GUCY2D: variants seen among roughly 807,000 people sequenced by gnomAD.
GUCY2D encodes the protein retinal guanylyl cyclase 1.
Under a neutral mutation model 101.3 loss-of-function variants are expected in GUCY2D, and 70 were observed. That is an observed-to-expected ratio of 0.69 (90% CI 0.57 to 0.84). The LOEUF is 0.84. GUCY2D is among the 40% of genes least tolerant of loss of function. The probability of loss-of-function intolerance (pLI) is 0.00; values close to 1 mark genes in which losing one functional copy is unlikely to be tolerated. For missense variants in GUCY2D, 1,460 were observed against 1,542.5 expected (o/e 0.95, Z 0.90); for synonymous variants, 688 against 670.7 (o/e 1.03, Z -0.40).
At position 8,009,636 on chromosome 17, in the gene GUCY2D, C is replaced by T. The variant is rs371458632; in HGVS notation, c.1749+50C>T. On this transcript the variant is annotated intron_variant, in intron 8 of 19. Coordinates refer to ENST00000254854, the MANE Select transcript of GUCY2D (RefSeq NM_000180.4). ...CCTAGGTGGCCATCGGTTTCTCCCTCCTTGCCTTCTCTTTGCAGCTGGGTA... is the reference window on the plus strand; with the variant it reads ...CCTAGGTGGCCATCGGTTTCTCCCTTCTTGCCTTCTCTTTGCAGCTGGGTA... 22 of 1,205,278 alleles carry T rather than the reference C, an allele frequency of 1.8e-5. No individual in the cohort carries two copies. The East Asian group carries it at 3.5e-4, about 19-fold the overall frequency. 74.7% of individuals were successfully genotyped at this position (1,205,278 alleles called of 1,614,324 possible). A position where few individuals can be genotyped will look rare whatever the true frequency, so the allele number is the denominator to read the frequency against.
At chr17:8,010,623 G>A (rs1367188334) in intron 8 of GUCY2D, among the ~76,000 whole-genome samples, 3 of 151,724 alleles carry the variant, frequency 2.0e-5, no homozygotes, top group Admixed American at 1.3e-4. Context: ...TGGCTAACAC[G>A]GTGAAACCCC....
At position 8,003,829 on chromosome 17, in the gene GUCY2D, GCGA is replaced by G; in HGVS notation, c.722-22_722-20del. The G allele has an allele frequency of 6.2e-7, 1 of 1,607,110 alleles. No individual in the cohort carries two copies. The highest frequency in any genetic ancestry group is 8.5e-7 in the Non-Finnish European group (1 of 1,179,280). On this transcript the variant is annotated intron_variant, in intron 2 of 19. Transcript: ENST00000254854. ...GTCCTGCCGGCAGCCGGACGGCGCCGCGAGCCAAGCCTCTGTCCGCAGCAGTGA... is the reference window on the plus strand; with the variant it reads ...GTCCTGCCGGCAGCCGGACGGCGCCGGCCAAGCCTCTGTCCGCAGCAGTGA...
At chr17:8,005,112 CCCTTGATT>C (rs1975713879) in intron 3 of GUCY2D, among the ~76,000 whole-genome samples, 1 of 152,140 alleles carries the variant, frequency 6.6e-6, no homozygotes, top group African/African-American at 2.4e-5. Flanking sequence ...GTGTGAGTCA[CCCTTGATT>C]CCTTGAATTC....
At chr17:8,003,799 G>T (rs1306335713) in intron 2 of GUCY2D, 31 bp downstream of exon 2, 5 of 1,602,580 alleles carry the variant, frequency 3.1e-6, no homozygotes, top group Non-Finnish European at 4.2e-6. Context: ...CGAGGAGGTC[G>T]GCTGGTCCTG....
At position 8,003,181 on chromosome 17, in the gene GUCY2D, T is replaced by C; in HGVS notation, c.134T>C (p.Leu45Pro). 1 of 1,513,880 alleles carries C rather than the reference T, an allele frequency of 6.6e-7. No homozygotes were observed. Among genetic ancestry groups the C allele is most frequent in the Admixed American group, 2.1e-5 (1 of 48,664 alleles). 93.8% of individuals were successfully genotyped at this position (1,513,880 alleles called of 1,614,324 possible). The change falls in exon 2 of 20, where the codon CTG (leucine) becomes CCG (proline). Residue 45 changes from leucine to proline, a missense_variant. Leu to Pro is a moderately conservative substitution (Grantham distance 98). Transcript: ENST00000254854. Reference sequence around the variant, plus strand: ...CCGCTCCTGCTGCTCCTGCTTCTGCTGCAGCCCCCCGCCCTCTCCGCCGTG... The same window carrying C: ...CCGCTCCTGCTGCTCCTGCTTCTGCCGCAGCCCCCCGCCCTCTCCGCCGTG... ...RLPLLLLLLL[L>P]QPPALSAVFT...
Position 8,013,290 on chromosome 17 carries a change from G to T in GUCY2D, c.2263+38G>T. 1 of 1,603,098 alleles carries T rather than the reference G, an allele frequency of 6.2e-7. No homozygotes were observed. Among genetic ancestry groups the T allele is most frequent in the South Asian group, 1.1e-5 (1 of 90,566 alleles). ...TGTGCGTGGAGTTCGGCCCACAGGG[G>T]CACCCTGCAGTTAGAAAAGAGCCAG... On this transcript the variant is annotated intron_variant, in intron 11 of 19. Coordinates refer to ENST00000254854, the MANE Select transcript of GUCY2D (RefSeq NM_000180.4). The surrounding 1 kb of genome is among the most constrained non-coding windows in gnomAD (Gnocchi z 5.0).
Position 8,015,972 on chromosome 17 carries a change from C to A in GUCY2D, c.3089C>A (p.Ala1030Asp), listed in dbSNP as rs1321055356. 3 of 1,612,284 alleles carry A rather than the reference C, an allele frequency of 1.9e-6. No individual in the cohort carries two copies. Among genetic ancestry groups the A allele is most frequent in the Non-Finnish European group, 2.5e-6 (3 of 1,179,438 alleles). The change falls in exon 17 of 20, where the codon GCT becomes GAT. Residue 1030 changes from alanine to aspartate, a missense_variant. By Grantham distance (126) the Ala-to-Asp change is moderately radical. Coordinates refer to ENST00000254854, the MANE Select transcript of GUCY2D (RefSeq NM_000180.4). ...VNLSTVGILR[A>D]LDSGYQVELR... ...TTGAGCACTGTGGGGATTCTCCGTG[C>A]TCTGGACTCGGGCTACCAGGTGGAG...
At chr17:8,017,321 G>A (rs549142397) in intron 19 of GUCY2D, among the ~76,000 whole-genome samples, 1 of 152,154 alleles carries the variant, frequency 6.6e-6, no homozygotes, top group Non-Finnish European at 1.5e-5. Context: ...GGGATGTGAG[G>A]GTCAGGGATT....
chr17:8,004,195 G>A lies in GUCY2D; in HGVS notation c.1026+39G>A, dbSNP rs762582573. 1.9e-6 allele frequency: 3 copies of A among 1,541,086 alleles called. No homozygotes were observed. The African/African-American group carries it at 4.1e-5, about 21-fold the overall frequency. On this transcript the variant is annotated intron_variant, in intron 3 of 19. Transcript: ENST00000254854. ...GGAGGAGGGAAGAAGGCAAGGGAGA[G>A]GGGAGAGGACAGCCAAAGCAGGGAG...
chr17:8,008,334 C>T (rs1175850921), intron 7 of GUCY2D, among the ~76,000 whole-genome samples: 1 of 152,162 alleles, frequency 6.6e-6, no homozygotes, highest in African/African-American at 2.4e-5. Context: ...CATGCTGGGA[C>T]CAGCAGGTAA....
rs1975948554 is a variant in GUCY2D at position 8,015,471 on chromosome 17, T to G, written c.2913T>G (p.Val971=). The change falls in exon 15 of 20, where the codon GTT becomes GTG. Residue 971 remains valine (V), a synonymous_variant. Transcript: ENST00000254854. The stretch of plus-strand genomic sequence containing the variant: ...TCCGCATGCGCCATATGCCTGAGGT[T>G]CCCGTGCGCATCCGCATAGGCCTGC... ...GTFRMRHMPE[V]PVRIRIGLHS... 1 of 1,613,282 alleles carries G rather than the reference T, an allele frequency of 6.2e-7. No homozygotes were observed. The highest frequency in any genetic ancestry group is 8.5e-7 in the Non-Finnish European group (1 of 1,179,940).
At chr17:8,003,010 C>G in intron 1 of GUCY2D, 29 bp from the exon 2 acceptor site, 1 of 1,513,404 alleles carries the variant, frequency 6.6e-7, no homozygotes, top group Non-Finnish European at 8.8e-7. Flanking sequence ...GGGTCTCAGT[C>G]GCTCAGCCTG....
chr17:8,009,520 G>C lies in GUCY2D; in HGVS notation c.1683G>C (p.Trp561Cys), dbSNP rs1482632384. 1.9e-6 allele frequency: 3 copies of C among 1,613,000 alleles called. No individual in the cohort carries two copies. The highest frequency in any genetic ancestry group is 2.2e-5 in the South Asian group (2 of 91,072). ...NIGVYEGDRV[W>C]LKKFPGDQHI... ...CTTTGCTGCAGGGAGACAGGGTTTG[G>C]CTGAAGAAATTCCCAGGGGATCAGC... Residue 561 changes from tryptophan to cysteine, a missense_variant, in exon 8 of 20, where the codon TGG becomes TGC. By Grantham distance (215) the Trp-to-Cys change is radical. Around this residue, in one of 3 missense-constraint regions of GUCY2D, gnomAD observed 1,196 missense variants for 1,229.6 expected, o/e 0.97. Transcript: ENST00000254854.
At position 8,006,642 on chromosome 17, in the gene GUCY2D, T is replaced by C. The variant is rs1169255860; in HGVS notation, c.1306T>C (p.Phe436Leu). The change falls in exon 4 of 20, where the codon TTC becomes CTC. Residue 436 changes from phenylalanine (F) to leucine (L), a missense_variant. Physicochemically the swap from Phe to Leu is conservative, Grantham distance 22. Around this residue, in one of 3 missense-constraint regions of GUCY2D, gnomAD observed 1,196 missense variants for 1,229.6 expected, o/e 0.97. Transcript: ENST00000254854. ...CCTCTCCGCCGGTACCCGGATGCAC[T>C]TCCCGCGTGGGGGATCAGCACCCGG... ...SFLSAGTRMH[F>L]PRGGSAPGPD... 4.3e-6 allele frequency: 7 copies of C among 1,612,758 alleles called. No homozygotes were observed. The highest frequency in any genetic ancestry group is 5.1e-6 in the Non-Finnish European group (6 of 1,179,574).
rs539967957 is a variant in GUCY2D at position 8,011,835 on chromosome 17, A to G, written c.1750-309A>G. On this transcript the variant is annotated intron_variant, in intron 8 of 19. Coordinates refer to ENST00000254854, the MANE Select transcript of GUCY2D (RefSeq NM_000180.4). The surrounding 1 kb of genome is among the most constrained non-coding windows in gnomAD (Gnocchi z 4.3). Reference sequence around the variant, plus strand: ...CAGAGTGAGACCTCGTGTCTAAAAAAAAAGGCTTATGATCAATAAATCCGA... The same window carrying G: ...CAGAGTGAGACCTCGTGTCTAAAAAGAAAGGCTTATGATCAATAAATCCGA... Among the ~76,000 whole-genome samples, 4 of 152,340 alleles carry G rather than the reference A, an allele frequency of 2.6e-5. No individual in the cohort carries two copies. In the East Asian group the frequency reaches 7.7e-4, roughly 29 times the overall value.
Position 8,007,841 on chromosome 17 carries a change from C to T in GUCY2D, c.1567-90C>T, listed in dbSNP as rs1198810783. On this transcript the variant is annotated intron_variant, in intron 6 of 19. Transcript: ENST00000254854. ...TCATTGAGATTCCTTCGCCTCCCAT[C>T]TTTAAATCCCCAAAACTCAGCCTGA... 1.4e-5 allele frequency: 11 copies of T among 809,926 alleles called. No individual in the cohort carries two copies. The South Asian group carries it at 1.4e-4, about 10-fold the overall frequency. 50.2% of individuals were successfully genotyped at this position (809,926 alleles called of 1,614,324 possible).
intron 19 of GUCY2D, among the ~76,000 whole-genome samples, chr17:8,019,649 C>G (rs1185738570): frequency 6.6e-6 from 1 of 152,256 alleles, no homozygotes; most frequent in African/African-American, 2.4e-5. Flanking sequence ...TCTCCTTTCT[C>G]TGTTCCTGCC....
intron 19 of GUCY2D, among the ~76,000 whole-genome samples, chr17:8,017,859 A>AT (rs2151804750): frequency 6.6e-6 from 1 of 152,074 alleles, no homozygotes; most frequent in East Asian, 1.9e-4. Flanking sequence ...CGCCCGGGTA[A>AT]TTTTTTTGTG....
chr17:8,016,785 T>C (rs1315620246), intron 19 of GUCY2D: 6 of 541,900 alleles, frequency 1.1e-5, no homozygotes, highest in Non-Finnish European at 2.0e-5. Flanking sequence ...GGGCCTTCTG[T>C]GGCCCCTCCC....
Sources: allele counts gnomAD v4.1 joint callset (sites outside exome capture counted in the v4.1 genomes callset), GRCh38; gene constraint gnomAD v4.1.1; regional missense constraint gnomAD v4.1.1; non-coding constraint Gnocchi (gnomAD v3.1); transcripts MANE v1.5; gene names NCBI Gene and HGNC (gene_info 2026-07-23, HGNC 2026-07-21).